Variants in PDE3B observed in about 807,000 individuals in gnomAD.
PDE3B encodes the protein cGMP-inhibited 3',5'-cyclic phosphodiesterase 3B.
PDE3B carries 66 observed loss-of-function variants against 116.8 expected under a neutral mutation model. That is an observed-to-expected ratio of 0.56 (90% CI 0.46 to 0.69). PDE3B has a LOEUF of 0.69. Among genes scored for constraint, PDE3B ranks in the 30% least tolerant of loss-of-function variants. The pLI is 0.00. For synonymous variants in PDE3B, 595 were observed against 533.6 expected (o/e 1.12, Z -1.59); for missense variants, 1,384 against 1,368.1 (o/e 1.01, Z -0.18).
chr11:14,807,675 G>A (rs984445685), intron 5 of PDE3B, among the ~76,000 whole-genome samples: 3 of 152,054 alleles, frequency 2.0e-5, no homozygotes, highest in Non-Finnish European at 1.5e-5. Context: ...GTAGAGGAAG[G>A]GATCTGACTA....
chr11:14,766,911 A>G (rs1042972289), intron 1 of PDE3B, among the ~76,000 whole-genome samples: 1 of 151,736 alleles, frequency 6.6e-6, no homozygotes, highest in Non-Finnish European at 1.5e-5. Context: ...CCTCAAGTGT[A>G]TTACACATAT....
At chr11:14,773,268 A>G (rs931200788) in intron 2 of PDE3B, 5 of 152,008 alleles carry the variant, frequency 3.3e-5, no homozygotes, top group Admixed American at 6.6e-5. Context: ...TACATTGTTT[A>G]TGTTTGTTAA....
At chr11:14,891,544 C>G in the PDE3B span, 1 of 1,024,180 alleles carries the variant, frequency 9.8e-7, no homozygotes, top group Non-Finnish European at 1.2e-6. Flanking sequence ...TATTAACCAT[C>G]TAGAACTCAG....
chr11:14,699,445 A>T (rs1400777025), intron 1 of PDE3B: 2 of 151,856 alleles, frequency 1.3e-5, no homozygotes, highest in South Asian at 2.1e-4. Flanking sequence ...CTGTTGTTTC[A>T]TGTGGAAACA....
intron 1 of PDE3B, among the ~76,000 whole-genome samples, chr11:14,698,173 G>T (rs1435006884): frequency 6.6e-6 from 1 of 151,410 alleles, no homozygotes; most frequent in African/African-American, 2.4e-5. Flanking sequence ...ATTATTTTTG[G>T]TAATAGCTAC....
At chr11:14,661,222 A>G (rs185314025) in intron 1 of PDE3B, among the ~76,000 whole-genome samples, 68 of 152,360 alleles carry the variant, frequency 4.5e-4, no homozygotes, top group Middle Eastern at 6.8e-3. Context: ...ATGCACACAT[A>G]TGTTTATTGT....
At chr11:14,692,065 T>A (rs1855054085) in intron 1 of PDE3B, among the ~76,000 whole-genome samples, 1 of 151,970 alleles carries the variant, frequency 6.6e-6, no homozygotes, top group Admixed American at 6.6e-5. Flanking sequence ...TGCAGGAGTT[T>A]GAGACCAGCC....
intron 1 of PDE3B, among the ~76,000 whole-genome samples, chr11:14,727,310 AT>A (rs1054404169): frequency 6.6e-6 from 1 of 152,080 alleles, no homozygotes; most frequent in Non-Finnish European, 1.5e-5. Context: ...AGAAATTTAC[AT>A]TTTTTTAACT....
At chr11:14,745,113 C>T (rs967053298) in intron 1 of PDE3B, among the ~76,000 whole-genome samples, 1 of 152,214 alleles carries the variant, frequency 6.6e-6, no homozygotes, top group Non-Finnish European at 1.5e-5. Flanking sequence ...GCGTGAGCCA[C>T]TGCACCAGCC....
chr11:14,728,541 G>A (rs1459250264), intron 1 of PDE3B, among the ~76,000 whole-genome samples: 2 of 152,008 alleles, frequency 1.3e-5, no homozygotes, highest in East Asian at 1.9e-4. Context: ...GAAGTCTTTC[G>A]AGGTATTATA....
chr11:14,664,877 A>G (rs1323566166), intron 1 of PDE3B, among the ~76,000 whole-genome samples: 1 of 152,246 alleles, frequency 6.6e-6, no homozygotes, highest in Non-Finnish European at 1.5e-5. Flanking sequence ...AAACTATTCC[A>G]ATCAATAGAA....
chr11:14,886,942 T>C, the PDE3B span: 1 of 152,220 alleles, frequency 6.6e-6, no homozygotes, highest in Non-Finnish European at 1.5e-5. Context: ...ACCAGAGTCT[T>C]TGGCACACGG....
intron 14 of PDE3B, among the ~76,000 whole-genome samples, chr11:14,866,015 T>C (rs1848038731): frequency 6.6e-6 from 1 of 152,146 alleles, no homozygotes; most frequent in Admixed American, 6.6e-5. Flanking sequence ...TTATCTCCAA[T>C]ACGACCTTGG....
At chr11:14,850,608 A>T (rs1019331405) in intron 12 of PDE3B, among the ~76,000 whole-genome samples, 6 of 152,100 alleles carry the variant, frequency 3.9e-5, no homozygotes, top group Non-Finnish European at 8.8e-5. Context: ...TTCCCTTAAG[A>T]TTTGCCTTAA....
At chr11:14,881,899 T>C in the PDE3B span, among the ~76,000 whole-genome samples, 2 of 152,084 alleles carry the variant, frequency 1.3e-5, no homozygotes, top group Non-Finnish European at 2.9e-5. Flanking sequence ...TATTTCTTTA[T>C]AGCAATACAA....
chr11:14,890,849 C>G, the PDE3B span: 19 of 985,212 alleles, frequency 1.9e-5, no homozygotes, highest in Non-Finnish European at 2.3e-5. Context: ...CGCCCGGGCA[C>G]CTAGACCAAT....
chr11:14,897,841 C>T, the PDE3B span, among the ~76,000 whole-genome samples: 7 of 152,158 alleles, frequency 4.6e-5, no homozygotes, highest in African/African-American at 1.7e-4. Flanking sequence ...TATCCAAATG[C>T]TCTGGGCCAT....
chr11:14,705,488 G>T (rs1855503609), intron 1 of PDE3B, among the ~76,000 whole-genome samples: 1 of 151,830 alleles, frequency 6.6e-6, no homozygotes, highest in South Asian at 2.1e-4. Context: ...GGTAGTGGTA[G>T]GAGAGTTTGA....
chr11:14,856,475 C>G (rs1291612230), intron 12 of PDE3B, among the ~76,000 whole-genome samples: 1 of 152,138 alleles, frequency 6.6e-6, no homozygotes, highest in East Asian at 1.9e-4. Context: ...CCTTATTTAT[C>G]TGCTATCTCT....
Sources: allele counts gnomAD v4.1 joint callset (sites outside exome capture counted in the v4.1 genomes callset), GRCh38; gene constraint gnomAD v4.1.1; transcripts MANE v1.5; gene names NCBI Gene and HGNC (gene_info 2026-07-23, HGNC 2026-07-21).